CCDC148: variants seen among roughly 807,000 people sequenced by gnomAD.
The protein encoded by CCDC148 is coiled-coil domain containing 148.
A neutral mutation model predicts 85.7 loss-of-function variants in CCDC148; 89 were observed. That is an observed-to-expected ratio of 1.04 (90% CI 0.87 to 1.24). The LOEUF (loss-of-function observed/expected upper bound fraction) is 1.24, where lower values mean the gene tolerates loss of function less well. CCDC148 is among the 50% of genes most tolerant of loss of function. The probability of loss-of-function intolerance (pLI) is 0.00; values close to 1 mark genes in which losing one functional copy is unlikely to be tolerated. For synonymous variants in CCDC148, 230 were observed against 213.9 expected, an observed-to-expected ratio of 1.08 and a Z score of -0.66; for missense variants, 692 against 671.7, an observed-to-expected ratio of 1.03 and a Z score of -0.33.
intron 1 of CCDC148, among the ~76,000 whole-genome samples, chr2:158,450,419 A>T (rs1339618169): frequency 6.6e-6 from 1 of 152,204 alleles, no homozygotes; most frequent in African/African-American, 2.4e-5. Context: ...ATGATGGGTG[A>T]CTTGCCAGGT....
rs530843761 is a variant in CCDC148 at position 158,331,278 on chromosome 2, C to G, written c.764+7448G>C. ...TTTTGTTATGTACCCAGTAGTCATTCAGGAGCAGGTTGTTCAGTTTCCATG... is the reference window on the plus strand; with the variant it reads ...TTTTGTTATGTACCCAGTAGTCATTGAGGAGCAGGTTGTTCAGTTTCCATG... On this transcript the variant is annotated intron_variant, in intron 7 of 13. Transcript: ENST00000283233. Among the ~76,000 whole-genome samples, 34 of 152,288 alleles carry G rather than the reference C, an allele frequency of 2.2e-4. 1 individual carries two copies. The South Asian group carries it at 5.2e-3, about 23-fold the overall frequency.
At chr2:158,370,428 G>C (rs1684390476) in intron 1 of CCDC148, among the ~76,000 whole-genome samples, 1 of 151,948 alleles carries the variant, frequency 6.6e-6, no homozygotes, top group Non-Finnish European at 1.5e-5. Flanking sequence ...CATTTTTAGA[G>C]ATTCTTGTAT....
At chr2:158,400,242 C>T (rs1251440004) in intron 1 of CCDC148, among the ~76,000 whole-genome samples, 1 of 152,132 alleles carries the variant, frequency 6.6e-6, no homozygotes, top group Non-Finnish European at 1.5e-5. Context: ...AAAGAGCCCA[C>T]ATAGCCAAGA....
chr2:158,283,520 A>G (rs1690447523), intron 9 of CCDC148, among the ~76,000 whole-genome samples: 1 of 152,240 alleles, frequency 6.6e-6, no homozygotes, highest in Non-Finnish European at 1.5e-5. Flanking sequence ...AAGACACAGG[A>G]AAAAATGCTC....
chr2:158,358,354 T>C, intron 2 of CCDC148, 95 bp downstream of exon 2: 1 of 1,433,058 alleles, frequency 7.0e-7, no homozygotes, highest in Non-Finnish European at 9.4e-7. Context: ...AACAACTATT[T>C]GGAATGTCAT....
intron 1 of CCDC148, among the ~76,000 whole-genome samples, chr2:158,391,413 A>G (rs1018786668): frequency 6.6e-6 from 1 of 152,196 alleles, no homozygotes; most frequent in African/African-American, 2.4e-5. Context: ...CCAAGATGAC[A>G]CAGATGAATT....
intron 2 of CCDC148, among the ~76,000 whole-genome samples, chr2:158,352,284 C>T (rs76344497): frequency 0.013 from 1,880 of 150,380 alleles, 32 homozygotes; most frequent in African/African-American, 0.039. Context: ...CTCTGAGCTA[C>T]GGGAGGACAT....
chr2:158,391,202 G>A (rs1685290765), intron 1 of CCDC148, among the ~76,000 whole-genome samples: 1 of 152,064 alleles, frequency 6.6e-6, no homozygotes, highest in African/African-American at 2.4e-5. Context: ...AATTACAGAA[G>A]GGCAAGCTCC....
chr2:158,398,383 C>T (rs1685624814), intron 1 of CCDC148, among the ~76,000 whole-genome samples: 1 of 152,104 alleles, frequency 6.6e-6, no homozygotes, highest in South Asian at 2.1e-4. Context: ...GGAAGTAAAA[C>T]ACTCCTCAGC....
intron 1 of CCDC148, among the ~76,000 whole-genome samples, chr2:158,444,785 G>GAAAAAAAAAAAAA (rs11433320): frequency 3.0e-5 from 2 of 66,676 alleles, no homozygotes; most frequent in Non-Finnish European, 4.9e-5. Context: ...ACCCTGTCTT[G>GAAAAAAAAAAAAA]AAAAAAAAAA....
chr2:158,414,830 A>G (rs532868929), intron 1 of CCDC148, among the ~76,000 whole-genome samples: 2 of 152,300 alleles, frequency 1.3e-5, no homozygotes, highest in South Asian at 2.1e-4. Context: ...ATCATCCATG[A>G]TCTGAAACTT....
rs994445203 is a variant in CCDC148, at chr2:158,456,540, A to T, written c.-101T>A. ...CCGTCAGGGGTACATCTAAGGGCTC[A>T]GCTGTTCCTACCTTTGACGCCAGGG... On this transcript the variant is annotated 5_prime_UTR_variant, in exon 1 of 14. Coordinates refer to ENST00000283233, the MANE Select transcript of CCDC148 (RefSeq NM_138803.4). 6.3e-6 allele frequency: 9 copies of T among 1,437,456 alleles called. No individual in the cohort carries two copies. The highest frequency in any genetic ancestry group is 8.5e-6 in the Non-Finnish European group (9 of 1,063,464). 89.0% of individuals were successfully genotyped at this position (1,437,456 alleles called of 1,614,324 possible).
chr2:158,320,692 GT>G, intron 7 of CCDC148, among the ~76,000 whole-genome samples: 1 of 152,230 alleles, frequency 6.6e-6, no homozygotes, highest in East Asian at 1.9e-4. Flanking sequence ...TCAAGCTGCT[GT>G]TTCCATTTTC....
At chr2:158,195,797 G>C (rs182024704) in intron 11 of CCDC148, among the ~76,000 whole-genome samples, 3 of 152,240 alleles carry the variant, frequency 2.0e-5, no homozygotes, top group East Asian at 3.9e-4. Context: ...AAGTGTTCAG[G>C]ATGCCTCCCA....
At chr2:158,217,359 ATT>A (rs1558990144) in intron 11 of CCDC148, among the ~76,000 whole-genome samples, 1 of 88,668 alleles carries the variant, frequency 1.1e-5, no homozygotes, top group East Asian at 3.6e-4. Context: ...TATATATAAA[ATT>A]TTGTGTGTGT....
At chr2:158,316,011 A>G (rs1574609008) in intron 7 of CCDC148, among the ~76,000 whole-genome samples, 1 of 152,008 alleles carries the variant, frequency 6.6e-6, no homozygotes, top group Non-Finnish European at 1.5e-5. Flanking sequence ...CTCTGAGAGC[A>G]CCTCCCAACA....
intron 10 of CCDC148, among the ~76,000 whole-genome samples, chr2:158,244,227 G>A (rs573404994): frequency 2.0e-4 from 30 of 152,154 alleles, no homozygotes; most frequent in African/African-American, 6.0e-4. Flanking sequence ...TGTTATGGCA[G>A]CATTTCACTT....
chr2:158,279,193 A>C (rs1690128604), intron 9 of CCDC148, among the ~76,000 whole-genome samples: 1 of 152,222 alleles, frequency 6.6e-6, no homozygotes, highest in Non-Finnish European at 1.5e-5. Flanking sequence ...ACAGAGCAGA[A>C]AAACTGGAAA....
intron 9 of CCDC148, among the ~76,000 whole-genome samples, chr2:158,270,053 T>G (rs80059686): frequency 0.016 from 2,447 of 152,326 alleles, 68 homozygotes; most frequent in African/African-American, 0.055. Context: ...GATATAAGAT[T>G]GCAAAGTTAC....
Sources: allele counts gnomAD v4.1 joint callset (sites outside exome capture counted in the v4.1 genomes callset), GRCh38; gene constraint gnomAD v4.1.1; transcripts MANE v1.5; gene names NCBI Gene and HGNC (gene_info 2026-07-23, HGNC 2026-07-21).